The following ADARB2 variants were observed in gnomAD, a reference collection of about 807,000 sequenced individuals.
ADARB2 encodes adenosine deaminase RNA specific B2 (inactive).
A neutral mutation model predicts 62.2 loss-of-function variants in ADARB2; 25 were observed. That is an observed-to-expected ratio of 0.40 (90% confidence interval 0.29 to 0.56). ADARB2 has a LOEUF of 0.56. ADARB2 is among the 20% of genes least tolerant of loss of function. The probability of loss-of-function intolerance (pLI) is 0.43; values close to 1 mark genes in which losing one functional copy is unlikely to be tolerated. For synonymous variants in ADARB2, 572 were observed against 500.8 expected, an observed-to-expected ratio of 1.14 and a Z score of -1.90; for missense variants, 1,071 against 1,077.4, an observed-to-expected ratio of 0.99 and a Z score of 0.08.
intron 4 of ADARB2, among the ~76,000 whole-genome samples, chr10:1,250,886 G>A (rs1194414931): frequency 6.6e-6 from 1 of 152,176 alleles, no homozygotes; most frequent in African/African-American, 2.4e-5. Context: ...GGGATGGGGT[G>A]TGAAGTGAAA....
chr10:1,377,739 C>T (rs755393670), intron 2 of ADARB2, among the ~76,000 whole-genome samples: 3 of 152,024 alleles, frequency 2.0e-5, no homozygotes, highest in African/African-American at 4.8e-5. Flanking sequence ...TCTCTAGTGC[C>T]GGCACACCCT....
At chr10:1,402,603 G>C (rs1020992245) in intron 1 of ADARB2, among the ~76,000 whole-genome samples, 2 of 152,040 alleles carry the variant, frequency 1.3e-5, no homozygotes, top group African/African-American at 4.8e-5. Context: ...CACTGTCATC[G>C]AGTCGGAGGC....
intron 2 of ADARB2, among the ~76,000 whole-genome samples, chr10:1,371,884 C>T (rs1832375697): frequency 8.0e-6 from 1 of 125,540 alleles, no homozygotes; most frequent in Non-Finnish European, 1.9e-5. Flanking sequence ...AATTCCACTT[C>T]TATGGAAAAC....
chr10:1,212,527 C>T (rs1405056150), intron 7 of ADARB2, among the ~76,000 whole-genome samples: 16 of 152,312 alleles, frequency 1.1e-4, no homozygotes, highest in African/African-American at 3.6e-4. Flanking sequence ...ATTGTCGGGA[C>T]CATGGCTGCC....
At chr10:1,273,657 G>A (rs1242254590) in intron 3 of ADARB2, among the ~76,000 whole-genome samples, 2 of 152,316 alleles carry the variant, frequency 1.3e-5, no homozygotes, top group Admixed American at 6.5e-5. Context: ...AGAAGATGCA[G>A]GGGGACAGAG....
chr10:1,460,107 C>A, intron 1 of ADARB2, among the ~76,000 whole-genome samples: 2 of 48,638 alleles, frequency 4.1e-5, no homozygotes, highest in South Asian at 1.1e-3. Context: ...CCTGAGTTTA[C>A]CTGCGTTACG....
chr10:1,505,891 A>G (rs1008748940), intron 1 of ADARB2, among the ~76,000 whole-genome samples: 1 of 152,206 alleles, frequency 6.6e-6, no homozygotes, highest in African/African-American at 2.4e-5. Flanking sequence ...ATGACATCTC[A>G]CAAAAAAGTA....
At chr10:1,235,151 A>T (rs893728151) in intron 5 of ADARB2, among the ~76,000 whole-genome samples, 1 of 150,826 alleles carries the variant, frequency 6.6e-6, no homozygotes, top group African/African-American at 2.4e-5. Context: ...GCTCATGGCC[A>T]TACCTCACAG....
intron 1 of ADARB2, among the ~76,000 whole-genome samples, chr10:1,507,347 G>A (rs1403985878): frequency 6.6e-6 from 1 of 152,214 alleles, no homozygotes; most frequent in East Asian, 1.9e-4. Context: ...AGACCCACTG[G>A]AGAGGCTGGC....
intron 7 of ADARB2, among the ~76,000 whole-genome samples, chr10:1,204,595 C>T (rs1005464210): frequency 1.5e-4 from 23 of 152,338 alleles, no homozygotes; most frequent in South Asian, 4.1e-4. Flanking sequence ...GTCGCGTGGA[C>T]GCTCCGCCCC....
intron 1 of ADARB2, among the ~76,000 whole-genome samples, chr10:1,392,726 G>A (rs1832580539): frequency 6.6e-6 from 1 of 152,194 alleles, no homozygotes; most frequent in Non-Finnish European, 1.5e-5. Context: ...AACACGAGAA[G>A]GTTTGATTCT....
chr10:1,720,935 C>A (rs922375973), intron 1 of ADARB2, among the ~76,000 whole-genome samples: 1 of 152,212 alleles, frequency 6.6e-6, no homozygotes, highest in African/African-American at 2.4e-5. Context: ...AGGCACCCAC[C>A]TCCTCTCCCT....
At chr10:1,274,049 G>C (rs1382412175) in intron 3 of ADARB2, among the ~76,000 whole-genome samples, 6 of 152,236 alleles carry the variant, frequency 3.9e-5, no homozygotes, top group African/African-American at 7.2e-5. Flanking sequence ...AGAGGGTCTA[G>C]AAAGCCTTGT....
intron 1 of ADARB2, 29 bp downstream of exon 1, chr10:1,737,022 C>G: frequency 6.2e-7 from 1 of 1,605,572 alleles, no homozygotes; most frequent in Non-Finnish European, 8.5e-7. Flanking sequence ...TGAAGGGGGG[C>G]AGGGGCCGGC....
intron 1 of ADARB2, among the ~76,000 whole-genome samples, chr10:1,429,979 A>G (rs947329337): frequency 6.6e-6 from 1 of 152,200 alleles, no homozygotes; most frequent in African/African-American, 2.4e-5. Context: ...TAACAGAAGA[A>G]GGCTTAGGGC....
At chr10:1,338,494 A>G (rs955103593) in intron 3 of ADARB2, among the ~76,000 whole-genome samples, 8 of 152,246 alleles carry the variant, frequency 5.3e-5, no homozygotes. Flanking sequence ...CAAAATGCTG[A>G]AACAAGAAAA....
intron 3 of ADARB2, among the ~76,000 whole-genome samples, chr10:1,331,137 A>T (rs1831924426): frequency 6.6e-6 from 1 of 152,236 alleles, no homozygotes; most frequent in Non-Finnish European, 1.5e-5. Flanking sequence ...GTTGACAAGG[A>T]TGTGGAGAAA....
chr10:1,421,059 C>G (rs1297869223), intron 1 of ADARB2, among the ~76,000 whole-genome samples: 1 of 151,970 alleles, frequency 6.6e-6, no homozygotes, highest in Non-Finnish European at 1.5e-5. Flanking sequence ...AGGGGGAGCT[C>G]GAAGCTCTCC....
intron 2 of ADARB2, among the ~76,000 whole-genome samples, chr10:1,372,473 AT>A (rs1832381637): frequency 3.3e-5 from 1 of 30,518 alleles, no homozygotes; most frequent in Non-Finnish European, 3.9e-3. Context: ...ATTAAATTAA[AT>A]TAAAAAAAAG....
Sources: gnomAD v4.1 joint callset for allele counts (sites outside exome capture counted in the v4.1 genomes callset) on GRCh38, gnomAD v4.1.1 for gene constraint, MANE v1.5 for transcripts, NCBI Gene and HGNC (gene_info 2026-07-23, HGNC 2026-07-21) for gene names.